INSYN2B: variants seen among roughly 807,000 people sequenced by gnomAD.
The protein encoded by INSYN2B is protein INSYN2B.
Under a neutral mutation model 41.2 loss-of-function variants are expected in INSYN2B, and 16 were observed. The observed-to-expected ratio is 0.39, with a 90% confidence interval of 0.26 to 0.59. INSYN2B has a LOEUF of 0.59. Among genes scored for constraint, INSYN2B ranks in the 20% least tolerant of loss-of-function variants. The pLI is 0.57. For synonymous variants in INSYN2B, 245 were observed against 244.4 expected (o/e 1.00, Z -0.02); for missense variants, 608 against 646.4 (o/e 0.94, Z 0.64).
intron 1 of INSYN2B, among the ~76,000 whole-genome samples, chr5:169,916,254 A>T (rs1774870006): frequency 6.6e-6 from 1 of 152,210 alleles, no homozygotes; most frequent in Non-Finnish European, 1.5e-5. Context: ...TGTGGGACAA[A>T]ATAATTCTAG....
At chr5:169,925,817 T>C (rs762596688) in intron 1 of INSYN2B, among the ~76,000 whole-genome samples, 16 of 152,100 alleles carry the variant, frequency 1.1e-4, no homozygotes, top group Non-Finnish European at 1.9e-4. Flanking sequence ...ATATTATCTA[T>C]TGCTGCTATT....
At chr5:169,907,576 T>C (rs1315157981) in intron 1 of INSYN2B, among the ~76,000 whole-genome samples, 1 of 152,232 alleles carries the variant, frequency 6.6e-6, no homozygotes, top group African/African-American at 2.4e-5. Flanking sequence ...CATTATCTAA[T>C]TGAATCCTCA....
intron 1 of INSYN2B, among the ~76,000 whole-genome samples, chr5:169,902,637 G>C (rs908011126): frequency 1.3e-5 from 2 of 152,204 alleles, no homozygotes; most frequent in Admixed American, 6.5e-5. Flanking sequence ...CTGGGTTCCT[G>C]GCATGATGCT....
rs147868198 is a variant in INSYN2B at position 169,899,615 on chromosome 5, G to A, written c.-918-14799C>T. Among the ~76,000 whole-genome samples, 16 of 152,232 alleles carry A rather than the reference G, an allele frequency of 1.1e-4. 1 individual carries two copies. In the East Asian group the frequency reaches 3.1e-3, roughly 29 times the overall value. On this transcript the variant is annotated intron_variant, in intron 1 of 3. Transcript: ENST00000377365. ...TTGGAGCAGGACTAGGAAGGCCCTG[G>A]GCTTTGAATTGCTTTTGTTCGATGT...
At chr5:169,912,140 A>G (rs2063915477) in intron 1 of INSYN2B, among the ~76,000 whole-genome samples, 4 of 152,248 alleles carry the variant, frequency 2.6e-5, no homozygotes, top group Admixed American at 2.6e-4. Flanking sequence ...GTATAAAAAA[A>G]GGAAAGCGAC....
At chr5:169,881,596 A>G (rs1339018577) in intron 2 of INSYN2B, among the ~76,000 whole-genome samples, 154 bp from the exon 3 acceptor site, 1 of 152,212 alleles carries the variant, frequency 6.6e-6, no homozygotes, top group Non-Finnish European at 1.5e-5. Flanking sequence ...GAATGTCACG[A>G]CAATAGGAGC....
At chr5:169,954,441 T>C (rs1190147142) in intron 1 of INSYN2B, among the ~76,000 whole-genome samples, 1 of 152,196 alleles carries the variant, frequency 6.6e-6, no homozygotes, top group Non-Finnish European at 1.5e-5. Flanking sequence ...CCCCAAAAAA[T>C]GTGTTTTCAG....
chr5:169,953,820 A>G (rs763878212), intron 1 of INSYN2B, among the ~76,000 whole-genome samples: 2 of 152,226 alleles, frequency 1.3e-5, no homozygotes, highest in Non-Finnish European at 2.9e-5. Flanking sequence ...GGCTAAGAGC[A>G]TGAGCCCTGG....
chr5:169,899,949 C>T (rs1031985267), intron 1 of INSYN2B, among the ~76,000 whole-genome samples: 8 of 152,180 alleles, frequency 5.3e-5, no homozygotes, highest in Non-Finnish European at 7.3e-5. Context: ...ATGTCATTTC[C>T]TTCCACTAAG....
intron 1 of INSYN2B, among the ~76,000 whole-genome samples, chr5:169,948,073 C>T (rs915622829): frequency 2.6e-5 from 4 of 152,010 alleles, no homozygotes; most frequent in Non-Finnish European, 4.4e-5. Flanking sequence ...TGTAAGGCAC[C>T]GAGAGAAGAG....
chr5:169,953,432 G>A (rs1457024772), intron 1 of INSYN2B, among the ~76,000 whole-genome samples: 1 of 152,022 alleles, frequency 6.6e-6, no homozygotes, highest in Admixed American at 6.6e-5. Context: ...TTATGTGACT[G>A]TGGGCAAATT....
At chr5:169,911,845 A>AG (rs1475159015) in intron 1 of INSYN2B, among the ~76,000 whole-genome samples, 1 of 152,216 alleles carries the variant, frequency 6.6e-6, no homozygotes, top group Non-Finnish European at 1.5e-5. Context: ...AAATAAAGGG[A>AG]GGGAAGTGTT....
At chr5:169,903,578 G>A (rs370082722) in intron 1 of INSYN2B, among the ~76,000 whole-genome samples, 133 of 152,212 alleles carry the variant, frequency 8.7e-4, no homozygotes, top group African/African-American at 3.1e-3. Context: ...ATGGGAGAAG[G>A]GAAGTCACTT....
At chr5:169,910,227 A>G (rs1774517486) in intron 1 of INSYN2B, among the ~76,000 whole-genome samples, 1 of 152,198 alleles carries the variant, frequency 6.6e-6, no homozygotes, top group Admixed American at 6.5e-5. Context: ...GTCATCAGAC[A>G]GGCCTTTCAT....
chr5:169,978,045 C>T (rs747177019), intron 1 of INSYN2B, among the ~76,000 whole-genome samples: 1 of 152,206 alleles, frequency 6.6e-6, no homozygotes, highest in Non-Finnish European at 1.5e-5. Context: ...CTGAGCCTCC[C>T]TCGGCAAACT....
chr5:169,919,938 T>C (rs754374707), intron 1 of INSYN2B, among the ~76,000 whole-genome samples: 2 of 152,252 alleles, frequency 1.3e-5, no homozygotes, highest in African/African-American at 2.4e-5. Context: ...TTTTCTGAAA[T>C]TATGCCAAGT....
chr5:169,925,663 G>A (rs1223882246), intron 1 of INSYN2B, among the ~76,000 whole-genome samples: 1 of 151,136 alleles, frequency 6.6e-6, no homozygotes, highest in African/African-American at 2.4e-5. Flanking sequence ...TGTGACCTGT[G>A]GGACTTCTGT....
chr5:169,911,116 T>C (rs1774570859), intron 1 of INSYN2B, among the ~76,000 whole-genome samples: 1 of 152,244 alleles, frequency 6.6e-6, no homozygotes, highest in Admixed American at 6.5e-5. Context: ...TCTAGGTTTA[T>C]TTCTTCATTA....
Position 169,861,918 on chromosome 5 carries a change from TTTTTC to T in INSYN2B, c.*2350_*2354del, listed in dbSNP as rs542728501. On this transcript the variant is annotated 3_prime_UTR_variant, in exon 4 of 4. Coordinates refer to ENST00000377365, the MANE Select transcript of INSYN2B (RefSeq NM_001129891.3). ...TAGAAATGTCAACATTTTATTTATTTTTTTCTTTTCTTTTCTTTTCTTTTTTTTTT... is the reference window on the plus strand; with the variant it reads ...TAGAAATGTCAACATTTTATTTATTTTTTTCTTTTCTTTTCTTTTTTTTTT... Among the ~76,000 whole-genome samples, 359 of 148,844 alleles carry T rather than the reference TTTTTC, an allele frequency of 2.4e-3. 3 individuals carry two copies. Among genetic ancestry groups the T allele is most frequent in the African/African-American group, 8.3e-3 (342 of 41,184 alleles).
Sources: gnomAD v4.1 joint callset for allele counts (sites outside exome capture counted in the v4.1 genomes callset) on GRCh38, gnomAD v4.1.1 for gene constraint, MANE v1.5 for transcripts, NCBI Gene and HGNC (gene_info 2026-07-23, HGNC 2026-07-21) for gene names.